The following RUNDC3B variants were observed in gnomAD, a reference collection of about 807,000 sequenced individuals.
RUNDC3B encodes RUN domain-containing protein 3B.
RUNDC3B carries 33 observed loss-of-function variants against 58.4 expected under a neutral mutation model. The ratio of observed to expected loss-of-function variants is 0.56; its 90% CI spans 0.43 to 0.75. RUNDC3B has a LOEUF of 0.75. RUNDC3B is among the 30% of genes least tolerant of loss of function. The pLI, the probability that RUNDC3B is intolerant of heterozygous loss-of-function variation, is 0.00. For synonymous variants in RUNDC3B, 193 were observed against 195.2 expected (o/e 0.99, Z 0.10); for missense variants, 501 against 535.7 (o/e 0.94, Z 0.64).
chr7:87,773,463 T>C (rs1046689323), intron 7 of RUNDC3B, among the ~76,000 whole-genome samples: 7 of 152,276 alleles, frequency 4.6e-5, no homozygotes, highest in Admixed American at 3.3e-4. Context: ...ATTCCATAAT[T>C]ATAATGAGAA....
At position 87,820,485 on chromosome 7, in the gene RUNDC3B, C is replaced by G. The variant is rs1437505754; in HGVS notation, c.1225+4223C>G. 2.0e-5 allele frequency among the ~76,000 whole-genome samples: 3 copies of G among 152,158 alleles called. No homozygotes were observed. In the East Asian group the frequency reaches 5.8e-4, roughly 29 times the overall value. ...CAAGGAGGAACTGGTACCATTCCTTCTGAAACTATTCCAATCAATAGAAAA... is the reference window on the plus strand; with the variant it reads ...CAAGGAGGAACTGGTACCATTCCTTGTGAAACTATTCCAATCAATAGAAAA... On this transcript the variant is annotated intron_variant, in intron 10 of 10. Coordinates refer to ENST00000394654, the MANE Select transcript of RUNDC3B (RefSeq NM_001134405.2).
chr7:87,700,852 CT>C, intron 3 of RUNDC3B, among the ~76,000 whole-genome samples: 1 of 152,166 alleles, frequency 6.6e-6, no homozygotes, highest in Non-Finnish European at 1.5e-5. Flanking sequence ...GATATTTGCA[CT>C]GCCAATGCAG....
chr7:87,635,243 A>G (rs759273338), intron 1 of RUNDC3B, among the ~76,000 whole-genome samples: 4 of 152,184 alleles, frequency 2.6e-5, no homozygotes, highest in Non-Finnish European at 5.9e-5. Context: ...ACACTCTTCT[A>G]TCCCCAACTG....
intron 4 of RUNDC3B, among the ~76,000 whole-genome samples, chr7:87,732,185 A>G (rs755527470): frequency 6.6e-6 from 1 of 152,194 alleles, no homozygotes; most frequent in Non-Finnish European, 1.5e-5. Flanking sequence ...AAAATTTAAG[A>G]AGAAAATTTA....
At chr7:87,802,635 T>C (rs902655228) in intron 8 of RUNDC3B, among the ~76,000 whole-genome samples, 18 of 152,234 alleles carry the variant, frequency 1.2e-4, no homozygotes, top group Admixed American at 1.1e-3. Flanking sequence ...CCTGGTATGA[T>C]TATTACATGC....
intron 4 of RUNDC3B, among the ~76,000 whole-genome samples, chr7:87,721,926 A>G (rs571544015): frequency 8.2e-4 from 125 of 152,054 alleles, no homozygotes; most frequent in African/African-American, 3.0e-3. Flanking sequence ...TTTCTGTAAA[A>G]TGTTACCTTT....
chr7:87,679,087 CTTTTTTTTT>C (rs35353390), intron 2 of RUNDC3B, among the ~76,000 whole-genome samples: 2 of 60,758 alleles, frequency 3.3e-5, no homozygotes, highest in South Asian at 1.2e-3. Flanking sequence ...AACACCCCAA[CTTTTTTTTT>C]TTTTTTTTTT....
chr7:87,739,814 T>G lies in RUNDC3B; in HGVS notation c.482T>G (p.Ile161Ser). 1 of 1,584,312 alleles carries G rather than the reference T, an allele frequency of 6.3e-7. No homozygotes were observed. The highest frequency in any genetic ancestry group is 2.2e-5 in the East Asian group (1 of 44,446). The change falls in exon 5 of 11, where the codon ATT (isoleucine) becomes AGT (serine). Residue 161 changes from isoleucine (I) to serine (S), a missense_variant. Coordinates refer to ENST00000394654, the MANE Select transcript of RUNDC3B (RefSeq NM_001134405.2). ...AGGAGATTTTATGAAGATGGAGCAA[T>G]TGTCTTGGGTGAAGAAGCAAATATG... ...TTRRFYEDGA[I>S]VLGEEANMLA...
chr7:87,801,802 A>G (rs1369279780), intron 8 of RUNDC3B, among the ~76,000 whole-genome samples: 1 of 152,174 alleles, frequency 6.6e-6, no homozygotes, highest in Non-Finnish European at 1.5e-5. Context: ...CTTCATTATT[A>G]GAGGAGAGAG....
chr7:87,669,903 GTCTT>G (rs1271816287), intron 2 of RUNDC3B, among the ~76,000 whole-genome samples: 1 of 152,048 alleles, frequency 6.6e-6, no homozygotes, highest in East Asian at 1.9e-4. Context: ...GCCTTTAAAA[GTCTT>G]TCTTTCATTT....
Position 87,777,954 on chromosome 7 carries a change from C to G in RUNDC3B, c.955C>G (p.Leu319Val). 1 of 1,610,472 alleles carries G rather than the reference C, an allele frequency of 6.2e-7. No individual in the cohort carries two copies. Among genetic ancestry groups the G allele is most frequent in the Non-Finnish European group, 8.5e-7 (1 of 1,178,466 alleles). Residue 319 changes from leucine (L) to valine (V), a missense_variant and splice_region_variant, in exon 8 of 11, where the codon CTG (leucine) becomes GTG (valine). By Grantham distance (32) the Leu-to-Val change is conservative. Coordinates refer to ENST00000394654, the MANE Select transcript of RUNDC3B (RefSeq NM_001134405.2). ...TATAATTGTGGAGCTTCAAGATCAG[C>G]TGTAAGTACAAGCCTTTTAGAAAAA... ...EYIIVELQDQ[L>V]TVLKNNDLRS...
intron 1 of RUNDC3B, among the ~76,000 whole-genome samples, chr7:87,649,387 C>T (rs570641803): frequency 6.6e-5 from 10 of 152,222 alleles, no homozygotes; most frequent in East Asian, 3.9e-4. Context: ...GTTCAGAAAG[C>T]GTGGTTCTGC....
intron 2 of RUNDC3B, among the ~76,000 whole-genome samples, chr7:87,652,627 T>C (rs1039460319): frequency 6.8e-6 from 1 of 147,910 alleles, no homozygotes; most frequent in Admixed American, 6.8e-5. Context: ...CACTGATATA[T>C]ATATATATAT....
intron 8 of RUNDC3B, 114 bp from the exon 9 acceptor site, chr7:87,807,259 A>AT: frequency 2.2e-6 from 2 of 915,360 alleles, no homozygotes; most frequent in South Asian, 3.3e-5. Flanking sequence ...TTCACAATCT[A>AT]TTAACAAACC....
chr7:87,658,852 A>G (rs1030319076), intron 2 of RUNDC3B, among the ~76,000 whole-genome samples: 1 of 152,186 alleles, frequency 6.6e-6, no homozygotes, highest in African/African-American at 2.4e-5. Context: ...CCCTCAAATA[A>G]TGGTTAAAGA....
chr7:87,723,960 G>A (rs1463328590), intron 4 of RUNDC3B, among the ~76,000 whole-genome samples: 4 of 152,134 alleles, frequency 2.6e-5, no homozygotes, highest in South Asian at 2.1e-4. Context: ...GGTGGCTCAC[G>A]CCTGTAATTC....
At chr7:87,723,323 A>G (rs1831018060) in intron 4 of RUNDC3B, among the ~76,000 whole-genome samples, 1 of 152,188 alleles carries the variant, frequency 6.6e-6, no homozygotes, top group Non-Finnish European at 1.5e-5. Flanking sequence ...AAAATGGGTA[A>G]TATTCAAAAA....
chr7:87,716,112 C>T (rs768751551), intron 4 of RUNDC3B, among the ~76,000 whole-genome samples: 8 of 152,010 alleles, frequency 5.3e-5, no homozygotes, highest in Admixed American at 1.3e-4. Flanking sequence ...AAATAAACCA[C>T]GTTCAGAGTG....
At chr7:87,750,891 T>C (rs36199077) in intron 6 of RUNDC3B, among the ~76,000 whole-genome samples, 15,396 of 150,764 alleles carry the variant, frequency 0.1, 1,036 homozygotes, top group Admixed American at 0.2. Context: ...TAATTAGATC[T>C]CATTTGTCAA....
Sources: allele counts gnomAD v4.1 joint callset (sites outside exome capture counted in the v4.1 genomes callset), GRCh38; gene constraint gnomAD v4.1.1; transcripts MANE v1.5; gene names NCBI Gene and HGNC (gene_info 2026-07-23, HGNC 2026-07-21).